The following CGNL1 variants were observed in gnomAD, a reference collection of about 807,000 sequenced individuals.
The protein encoded by CGNL1 is cingulin-like protein 1.
A neutral mutation model predicts 141.2 loss-of-function variants in CGNL1; 132 were observed. The ratio of observed to expected loss-of-function variants is 0.93; its 90% CI spans 0.81 to 1.08. CGNL1 has a LOEUF of 1.08. CGNL1 is among the 50% of genes least tolerant of loss of function. The pLI is 0.00. For missense variants in CGNL1, 1,870 were observed against 1,588.6 expected, an observed-to-expected ratio of 1.18 and a Z score of -3.01; for synonymous variants, 690 against 622.1, an observed-to-expected ratio of 1.11 and a Z score of -1.63.
At chr15:57,525,377 G>T (rs77524380) in intron 12 of CGNL1, among the ~76,000 whole-genome samples, 4 of 152,230 alleles carry the variant, frequency 2.6e-5, no homozygotes, top group Non-Finnish European at 4.4e-5. Flanking sequence ...ATGGAAAGCC[G>T]GAGGCTTCAA....
chr15:57,387,949 C>A (rs1335457171), intron 1 of CGNL1, among the ~76,000 whole-genome samples: 1 of 152,208 alleles, frequency 6.6e-6, no homozygotes, highest in Non-Finnish European at 1.5e-5. Context: ...ATCCTGCCCC[C>A]CTCAGCTGCC....
At chr15:57,413,917 A>C (rs969574100) in intron 1 of CGNL1, among the ~76,000 whole-genome samples, 1 of 152,154 alleles carries the variant, frequency 6.6e-6, no homozygotes, top group East Asian at 1.9e-4. Flanking sequence ...ATGCCTCCAG[A>C]GCCCCATTTG....
At chr15:57,457,180 CT>C (rs1388510109) in intron 7 of CGNL1, among the ~76,000 whole-genome samples, 1 of 152,192 alleles carries the variant, frequency 6.6e-6, no homozygotes, top group Non-Finnish European at 1.5e-5. Flanking sequence ...CTGGGAAGCA[CT>C]TATGCAAAAG....
In CGNL1 at chr15:57,442,182, G is replaced by GAAAAAAA. The variant is rs61564944; in HGVS notation, c.1698-176_1698-170dup. ...TTGAGTGGTAACACATCATTTATTT[G>GAAAAAAA]AAAAAAAAAAAAAAAAAAAAAGACA... is the stretch of plus-strand genomic sequence containing the variant. On this transcript the variant is annotated intron_variant, in intron 3 of 18. Transcript: ENST00000281282. Among the ~76,000 whole-genome samples the GAAAAAAA allele has an allele frequency of 2.9e-4, 28 of 96,512 alleles. 5 individuals are homozygous for GAAAAAAA. Among genetic ancestry groups the GAAAAAAA allele is most frequent in the African/African-American group, 8.6e-4 (20 of 23,302 alleles). The allele number at this position is 96,512 out of a possible 152,430, so 63.3% of individuals were successfully genotyped here.
chr15:57,437,864 G>T, intron 1 of CGNL1, 121 bp from the exon 2 acceptor site: 1 of 1,013,168 alleles, frequency 9.9e-7, no homozygotes, highest in East Asian at 2.4e-5. Context: ...TGTCTTTGCT[G>T]TTTAAAATGT....
At chr15:57,545,848 G>A in intron 17 of CGNL1, 148 bp downstream of exon 17, 1 of 774,188 alleles carries the variant, frequency 1.3e-6, no homozygotes, top group Non-Finnish European at 2.1e-6. Flanking sequence ...TCATCAAATG[G>A]GGGCTTCTTG....
chr15:57,452,164 G>C lies in CGNL1; in HGVS notation c.1929G>C (p.Glu643Asp). ...EVKNQQNIKE[E>D]RERMRANLEE... ...AGAATCAACAGAACATTAAAGAAGA[G>C]AGAGAGAGGATGAGAGCAAACCTAG... Residue 643 changes from glutamate (E) to aspartate (D), a missense_variant, in exon 6 of 19, where the codon GAG becomes GAC. Glu to Asp is a conservative substitution (Grantham distance 45, BLOSUM62 2). Transcript: ENST00000281282. 1 of 1,613,724 alleles carries C rather than the reference G, an allele frequency of 6.2e-7. No individual in the cohort carries two copies. Among genetic ancestry groups the C allele is most frequent in the Non-Finnish European group, 8.5e-7 (1 of 1,179,854 alleles).
At position 57,439,076 on chromosome 15, in the gene CGNL1, A is replaced by C. The variant is rs1041264810; in HGVS notation, c.1077A>C (p.Lys359Asn). 2 of 1,613,648 alleles carry C rather than the reference A, an allele frequency of 1.2e-6. No homozygotes were observed. Among genetic ancestry groups the C allele is most frequent in the African/African-American group, 1.3e-5 (1 of 74,730 alleles). ...CTGGTGTGGATCAGTTAATTGAAAA[A>C]TTTGATCAAAAACCTGGGCTTCAGA... ...SIPGVDQLIE[K>N]FDQKPGLQRR... is the part of the protein sequence containing the mutation. Residue 359 changes from lysine to asparagine, a missense_variant, in exon 2 of 19, where the codon AAA becomes AAC. Coordinates refer to ENST00000281282, the MANE Select transcript of CGNL1 (RefSeq NM_032866.5).
chr15:57,461,941 A>T, intron 8 of CGNL1, 49 bp downstream of exon 8: 1 of 1,403,240 alleles, frequency 7.1e-7, no homozygotes, highest in Non-Finnish European at 1.0e-6. Flanking sequence ...TGAAAGGGTA[A>T]GACCCTCTCT....
chr15:57,501,877 A>G (rs569713196), intron 8 of CGNL1, among the ~76,000 whole-genome samples: 2 of 152,134 alleles, frequency 1.3e-5, no homozygotes, highest in Non-Finnish European at 2.9e-5. Flanking sequence ...ACAGGGGGGA[A>G]GTTCTGGGAA....
Position 57,440,423 on chromosome 15 carries a change from C to T in CGNL1, c.1649C>T (p.Thr550Ile). 8.1e-6 allele frequency: 13 copies of T among 1,602,896 alleles called. No individual in the cohort carries two copies. The highest frequency in any genetic ancestry group is 1.1e-5 in the Non-Finnish European group (13 of 1,174,108). ...LKGQQELTQQ[T>I]NEETAKQILY... ...GGCCAGCAAGAGCTCACTCAGCAAA[C>T]CAATGAGGAGACAGCTAAGCAGATT... Residue 550 changes from threonine to isoleucine, a missense_variant, in exon 3 of 19, where the codon ACC becomes ATC. Transcript: ENST00000281282.
chr15:57,469,777 C>T (rs1345925039), intron 8 of CGNL1, among the ~76,000 whole-genome samples: 1 of 152,198 alleles, frequency 6.6e-6, no homozygotes, highest in Non-Finnish European at 1.5e-5. Flanking sequence ...TTGGAAATGT[C>T]ACTGAGTCTT....
At chr15:57,392,204 G>T (rs1485840289) in intron 1 of CGNL1, among the ~76,000 whole-genome samples, 1 of 152,050 alleles carries the variant, frequency 6.6e-6, no homozygotes, top group East Asian at 1.9e-4. Context: ...TAATACAAAA[G>T]AAAGTGATAG....
chr15:57,499,084 G>A (rs2063984396), intron 8 of CGNL1, among the ~76,000 whole-genome samples: 1 of 152,076 alleles, frequency 6.6e-6, no homozygotes, highest in Non-Finnish European at 1.5e-5. Flanking sequence ...ATTGGAAAGG[G>A]CAGAAGAGGG....
intron 1 of CGNL1, among the ~76,000 whole-genome samples, chr15:57,387,312 C>A (rs1244975373): frequency 6.6e-6 from 1 of 152,190 alleles, no homozygotes; most frequent in Non-Finnish European, 1.5e-5. Flanking sequence ...TTGCAGAGCA[C>A]CCCAAGCCTC....
intron 1 of CGNL1, among the ~76,000 whole-genome samples, chr15:57,413,491 G>A (rs2062816042): frequency 6.6e-6 from 1 of 152,042 alleles, no homozygotes; most frequent in Non-Finnish European, 1.5e-5. Context: ...CCTAGGGGTT[G>A]CCCAGGCTAG....
chr15:57,545,490 C>G, intron 16 of CGNL1, 102 bp from the exon 17 acceptor site: 5 of 991,760 alleles, frequency 5.0e-6, no homozygotes, highest in Non-Finnish European at 7.6e-6. Context: ...CTTGAGCTGA[C>G]CAGGCACCCC....
intron 7 of CGNL1, among the ~76,000 whole-genome samples, chr15:57,456,196 A>C (rs1351842691): frequency 6.6e-6 from 1 of 152,198 alleles, no homozygotes; most frequent in East Asian, 1.9e-4. Context: ...GAATTTGATA[A>C]CAGAGTATAG....
intron 1 of CGNL1, among the ~76,000 whole-genome samples, chr15:57,399,050 A>C (rs1044561081): frequency 3.9e-5 from 6 of 152,248 alleles, no homozygotes; most frequent in African/African-American, 1.2e-4. Context: ...TGTGTGATGA[A>C]CATTAATAGA....
Sources: allele counts gnomAD v4.1 joint callset (sites outside exome capture counted in the v4.1 genomes callset), GRCh38; gene constraint gnomAD v4.1.1; transcripts MANE v1.5; gene names NCBI Gene and HGNC (gene_info 2026-07-23, HGNC 2026-07-21).